ZFAT: variants seen among roughly 807,000 people sequenced by gnomAD.
The protein encoded by ZFAT is zinc finger protein ZFAT.
In ZFAT, 64 loss-of-function variants were observed where a neutral mutation model predicts 117.7. The observed-to-expected ratio is 0.54, with a 90% CI of 0.44 to 0.67. The LOEUF is 0.67. Among genes scored for constraint, ZFAT ranks in the 30% least tolerant of loss-of-function variants. ZFAT has a pLI of 0.00. For synonymous variants in ZFAT, 679 were observed against 615.0 expected, an observed-to-expected ratio of 1.10 and a Z score of -1.54; for missense variants, 1,433 against 1,584.5, an observed-to-expected ratio of 0.90 and a Z score of 1.62.
chr8:134,812,315 A>T, the ZFAT span, among the ~76,000 whole-genome samples: 1 of 152,236 alleles, frequency 6.6e-6, no homozygotes, highest in Non-Finnish European at 1.5e-5. Flanking sequence ...AACTTAATTC[A>T]CATAGCTTTT....
chr8:134,617,973 A>G (rs562569738), intron 3 of ZFAT, among the ~76,000 whole-genome samples: 19 of 152,216 alleles, frequency 1.2e-4, no homozygotes, highest in Middle Eastern at 6.8e-3. Flanking sequence ...ATGATAGTGA[A>G]TAAGTCTCAT....
the ZFAT span, among the ~76,000 whole-genome samples, chr8:134,768,497 C>T: frequency 1.3e-5 from 2 of 152,134 alleles, no homozygotes; most frequent in African/African-American, 4.8e-5. Context: ...GTTTAATGGA[C>T]TTACAGTTCC....
chr8:134,502,338 A>AT (rs1385909333), intron 15 of ZFAT, among the ~76,000 whole-genome samples: 1 of 152,238 alleles, frequency 6.6e-6, no homozygotes, highest in Non-Finnish European at 1.5e-5. Flanking sequence ...AGGGGACCAC[A>AT]TTACTCAGTG....
chr8:134,812,173 A>AAATAC, the ZFAT span, among the ~76,000 whole-genome samples: 1 of 152,074 alleles, frequency 6.6e-6, no homozygotes, highest in Non-Finnish European at 1.5e-5. Flanking sequence ...AAATAAAATA[A>AAATAC]AATACCTATC....
the ZFAT span, among the ~76,000 whole-genome samples, chr8:134,724,672 C>A: frequency 6.6e-6 from 1 of 152,100 alleles, no homozygotes; most frequent in Non-Finnish European, 1.5e-5. Flanking sequence ...AGTCCCAGAA[C>A]CTCTTTAGCC....
chr8:134,493,381 A>C (rs753709419), intron 15 of ZFAT, among the ~76,000 whole-genome samples: 2 of 152,222 alleles, frequency 1.3e-5, no homozygotes, highest in African/African-American at 2.4e-5. Context: ...TGAGAGGAGC[A>C]ATGCAGGCTT....
At chr8:134,601,022 T>C (rs1399880512) in intron 6 of ZFAT, among the ~76,000 whole-genome samples, 1 of 152,162 alleles carries the variant, frequency 6.6e-6, no homozygotes. Context: ...GGATTTTCTA[T>C]ATCCTGACCA....
At chr8:134,639,759 G>A (rs1286953477) in intron 2 of ZFAT, 4 of 456,296 alleles carry the variant, frequency 8.8e-6, no homozygotes, top group Non-Finnish European at 1.3e-5. Flanking sequence ...TAGCAGAGAG[G>A]CTACAAAACA....
chr8:134,547,439 T>C (rs890243651), intron 11 of ZFAT, among the ~76,000 whole-genome samples: 1 of 152,192 alleles, frequency 6.6e-6, no homozygotes, highest in Non-Finnish European at 1.5e-5. Flanking sequence ...TAGCATAACC[T>C]TCTCACCATT....
At chr8:134,711,741 C>G (rs571603425) in intron 1 of ZFAT, among the ~76,000 whole-genome samples, 93 of 152,340 alleles carry the variant, frequency 6.1e-4, no homozygotes, top group African/African-American at 2.2e-3. Flanking sequence ...ACATCTAGCA[C>G]CGCAGCAGGT....
intron 10 of ZFAT, among the ~76,000 whole-genome samples, chr8:134,578,411 C>CA (rs778606284): frequency 0.33 from 22,117 of 67,870 alleles, 2,836 homozygotes; most frequent in East Asian, 0.55. Flanking sequence ...AACTCTGTCT[C>CA]AAAAAAAAAA....
the ZFAT span, among the ~76,000 whole-genome samples, chr8:134,719,209 A>C: frequency 2.6e-5 from 4 of 152,232 alleles, no homozygotes. Flanking sequence ...TTTTCAGAGA[A>C]GAAGGGGGAG....
At chr8:134,488,210 C>A (rs1009561656) in intron 15 of ZFAT, among the ~76,000 whole-genome samples, 1 of 152,244 alleles carries the variant, frequency 6.6e-6, no homozygotes, top group African/African-American at 2.4e-5. Flanking sequence ...CACCCCCATG[C>A]TGGGCATTCG....
rs748632508 is a variant in ZFAT at position 134,602,867 on chromosome 8, G to A, written c.852C>T (p.His284=). The A allele has an allele frequency of 3.1e-6, 5 of 1,610,406 alleles. No individual in the cohort carries two copies. The highest frequency in any genetic ancestry group is 4.2e-6 in the Non-Finnish European group (5 of 1,178,550). Residue 284 remains histidine (H), a synonymous_variant, in exon 6 of 16, where the codon CAC becomes CAT. Transcript: ENST00000377838. ...EYCNKVFKFK[H]SLQAHLRIHT... ...GGATCCTCAGGTGGGCCTGCAGCGA[G>A]TGCTTGAACTTGAAGACCTTGTTGC...
chr8:134,713,016 A>T lies in ZFAT; in HGVS notation c.-153T>A. On this transcript the variant is annotated 5_prime_UTR_variant, in exon 1 of 16. The change abolishes an upstream ATG in the 5' untranslated region. Coordinates refer to ENST00000377838, the MANE Select transcript of ZFAT (RefSeq NM_020863.4). ...GGCGAGGTTATGGCGAATCTGCGGC[A>T]TCCAACATGGCGGATGGAGTCTTCG... 1.1e-6 allele frequency: 1 copy of T among 895,390 alleles called. No homozygotes were observed. Among genetic ancestry groups the T allele is most frequent in the Non-Finnish European group, 1.5e-6 (1 of 649,254 alleles). 55.5% of individuals were successfully genotyped at this position (895,390 alleles called of 1,614,324 possible). A position where few individuals can be genotyped will look rare whatever the true frequency, so the allele number is the denominator to read the frequency against.
At chr8:134,667,418 G>A (rs565404836) in intron 1 of ZFAT, among the ~76,000 whole-genome samples, 17 of 150,892 alleles carry the variant, frequency 1.1e-4, no homozygotes, top group South Asian at 6.3e-4. Flanking sequence ...GCATGAACCC[G>A]GGAGGTGGAG....
At chr8:134,810,833 C>T in the ZFAT span, among the ~76,000 whole-genome samples, 1 of 152,038 alleles carries the variant, frequency 6.6e-6, no homozygotes. Context: ...GAAAACCTTC[C>T]CCCTGAAAGT....
intron 1 of ZFAT, among the ~76,000 whole-genome samples, chr8:134,676,197 A>C (rs1350985740): frequency 6.6e-6 from 1 of 151,350 alleles, no homozygotes; most frequent in Non-Finnish European, 1.5e-5. Flanking sequence ...TTTCATGTGC[A>C]AACACACAAA....
At chr8:134,597,453 C>A in intron 7 of ZFAT, 1 of 152,392 alleles carries the variant, frequency 6.6e-6, no homozygotes. Flanking sequence ...ACTCTCTTTC[C>A]TGGCCCAAAT....
Sources: allele counts gnomAD v4.1 joint callset (sites outside exome capture counted in the v4.1 genomes callset), GRCh38; gene constraint gnomAD v4.1.1; transcripts MANE v1.5; gene names NCBI Gene and HGNC (gene_info 2026-07-23, HGNC 2026-07-21).